Variants in HECW1 observed in about 807,000 individuals in gnomAD.
The protein encoded by HECW1 is E3 ubiquitin-protein ligase HECW1.
HECW1 carries 61 observed loss-of-function variants against 182.3 expected under a neutral mutation model. That is an observed-to-expected ratio of 0.33 (90% CI 0.27 to 0.41). The LOEUF is 0.41. Ranked by LOEUF, HECW1 falls within the 10% of genes least tolerant of loss-of-function variation. The pLI is 1.00. For synonymous variants in HECW1, 859 were observed against 832.6 expected, an observed-to-expected ratio of 1.03 and a Z score of -0.55; for missense variants, 1,739 against 2,108.9, an observed-to-expected ratio of 0.82 and a Z score of 3.44.
chr7:43,371,224 C>T (rs115218161), intron 6 of HECW1, among the ~76,000 whole-genome samples: 2,036 of 152,144 alleles, frequency 0.013, 53 homozygotes, highest in African/African-American at 0.046. Context: ...ATGGTGGCTA[C>T]ATGTTATTAT....
At chr7:43,469,340 G>A (rs73098739) in intron 16 of HECW1, among the ~76,000 whole-genome samples, 24,979 of 152,058 alleles carry the variant, frequency 0.16, 2,237 homozygotes, top group Middle Eastern at 0.28. Context: ...CCCTCACGCT[G>A]CTAGATGCCA....
intron 5 of HECW1, among the ~76,000 whole-genome samples, chr7:43,325,644 A>G (rs570840790): frequency 6.6e-6 from 1 of 151,914 alleles, no homozygotes; most frequent in African/African-American, 2.4e-5. Context: ...TGTCGTAGGC[A>G]CCGCCTCCTC....
At chr7:43,462,053 C>G (rs1432156733) in intron 13 of HECW1, among the ~76,000 whole-genome samples, 1 of 152,200 alleles carries the variant, frequency 6.6e-6, no homozygotes, top group Admixed American at 6.5e-5. Context: ...TCTGTAAGGT[C>G]AAGGAAAGAG....
chr7:43,220,962 G>A (rs1214827739), intron 2 of HECW1, among the ~76,000 whole-genome samples: 1 of 152,198 alleles, frequency 6.6e-6, no homozygotes, highest in African/African-American at 2.4e-5. Context: ...CATTAGAAAT[G>A]CATATTCATG....
intron 2 of HECW1, among the ~76,000 whole-genome samples, chr7:43,178,163 T>G (rs1327409622): frequency 6.6e-6 from 1 of 152,190 alleles, no homozygotes; most frequent in Admixed American, 6.5e-5. Context: ...CCCACCACCA[T>G]GCCTGACTAA....
At chr7:43,280,125 C>A (rs1803700273) in intron 3 of HECW1, among the ~76,000 whole-genome samples, 3 of 152,184 alleles carry the variant, frequency 2.0e-5, no homozygotes, top group Non-Finnish European at 4.4e-5. Flanking sequence ...GATGCTGGGT[C>A]AGGACTAGGA....
intron 2 of HECW1, among the ~76,000 whole-genome samples, chr7:43,189,441 T>C (rs1397037863): frequency 6.6e-6 from 1 of 152,080 alleles, no homozygotes; most frequent in Non-Finnish European, 1.5e-5. Context: ...TATTGGAAAA[T>C]CATTAAAATA....
intron 2 of HECW1, among the ~76,000 whole-genome samples, chr7:43,158,257 TA>T (rs1286835466): frequency 6.6e-6 from 1 of 152,214 alleles, no homozygotes; most frequent in Non-Finnish European, 1.5e-5. Flanking sequence ...ACATAAACCA[TA>T]AAAATTAAGA....
At chr7:43,386,417 C>G (rs992110187) in intron 6 of HECW1, among the ~76,000 whole-genome samples, 1 of 152,168 alleles carries the variant, frequency 6.6e-6, no homozygotes, top group African/African-American at 2.4e-5. Context: ...AAGAGAAGAG[C>G]CAAGCCATCC....
At chr7:43,433,208 T>G (rs765165882) in intron 8 of HECW1, among the ~76,000 whole-genome samples, 1 of 152,274 alleles carries the variant, frequency 6.6e-6, no homozygotes, top group Admixed American at 6.5e-5. Context: ...TGAAGAATGC[T>G]TTACAGATCA....
At chr7:43,472,141 T>C (rs565769216) in intron 16 of HECW1, among the ~76,000 whole-genome samples, 1 of 152,252 alleles carries the variant, frequency 6.6e-6, no homozygotes, top group African/African-American at 2.4e-5. Flanking sequence ...ACTGATGCTA[T>C]GTGAAATCTC....
chr7:43,192,294 T>G (rs75752341), intron 2 of HECW1, among the ~76,000 whole-genome samples: 18 of 152,314 alleles, frequency 1.2e-4, no homozygotes, highest in Admixed American at 2.6e-4. Context: ...GGTGACTCAT[T>G]AACATTAATT....
chr7:43,289,461 T>C (rs925206835), intron 3 of HECW1, among the ~76,000 whole-genome samples: 1 of 152,190 alleles, frequency 6.6e-6, no homozygotes, highest in African/African-American at 2.4e-5. Context: ...CTTACAGGGG[T>C]TGGGTTCCAG....
Position 43,293,289 on chromosome 7 carries a change from G to C in HECW1, c.28-18474G>C, listed in dbSNP as rs183040753. On this transcript the variant is annotated intron_variant, in intron 3 of 29. Transcript: ENST00000395891. ...AAGTACACTCCACAGTGTGGGAGCAGACCCGAGCAGCGGTTCAAGGGCCCG... is the reference window on the plus strand; with the variant it reads ...AAGTACACTCCACAGTGTGGGAGCACACCCGAGCAGCGGTTCAAGGGCCCG... Among the ~76,000 whole-genome samples the C allele has an allele frequency of 2.3e-3, 347 of 151,678 alleles. 2 individuals carry two copies. The highest frequency in any genetic ancestry group is 8.0e-3 in the African/African-American group (330 of 41,282).
rs1458576345 is a variant in HECW1 at position 43,315,462 on chromosome 7, ATTG to A, written c.352+3378_352+3380del. ...TCCCCATATCTCCCGTCCCATTATT[ATTG>A]TTATTATTATTATTATTATTATTAT... On this transcript the variant is annotated intron_variant, in intron 4 of 29. Transcript: ENST00000395891. Among the ~76,000 whole-genome samples the A allele has an allele frequency of 0.016, 1,485 of 90,278 alleles. 26 individuals carry two copies. In the African/African-American group the frequency reaches 0.18, roughly 11 times the overall value. 59.2% of individuals were successfully genotyped at this position (90,278 alleles called of 152,430 possible). A position where few individuals can be genotyped will look rare whatever the true frequency, so the allele number is the denominator to read the frequency against.
intron 3 of HECW1, among the ~76,000 whole-genome samples, chr7:43,254,874 A>G (rs1331644366): frequency 6.6e-6 from 1 of 152,126 alleles, no homozygotes; most frequent in Non-Finnish European, 1.5e-5. Flanking sequence ...ACCTTCTTTT[A>G]TGTCACTAGA....
intron 19 of HECW1, among the ~76,000 whole-genome samples, chr7:43,497,506 A>G (rs540808658): frequency 4.6e-5 from 7 of 152,266 alleles, no homozygotes; most frequent in South Asian, 2.1e-4. Flanking sequence ...ATGACCACCA[A>G]TGAAATATGA....
intron 5 of HECW1, among the ~76,000 whole-genome samples, chr7:43,337,819 T>C (rs1432400366): frequency 6.6e-6 from 1 of 152,228 alleles, no homozygotes; most frequent in Non-Finnish European, 1.5e-5. Context: ...ATGTCTTTTT[T>C]TTTATAGAAG....
At chr7:43,178,084 A>G (rs1330616756) in intron 2 of HECW1, among the ~76,000 whole-genome samples, 2 of 152,158 alleles carry the variant, frequency 1.3e-5, no homozygotes, top group African/African-American at 4.8e-5. Flanking sequence ...ATCTTGACTC[A>G]CTGCAAACTC....
Sources: gnomAD v4.1 joint callset for allele counts (sites outside exome capture counted in the v4.1 genomes callset) on GRCh38, gnomAD v4.1.1 for gene constraint, MANE v1.5 for transcripts, NCBI Gene and HGNC (gene_info 2026-07-23, HGNC 2026-07-21) for gene names.